The following IRAG1 variants were observed in gnomAD, a reference collection of about 807,000 sequenced individuals.
IRAG1 encodes inositol 1,4,5-triphosphate receptor associated 1.
In IRAG1, 62 loss-of-function variants were observed where a neutral mutation model predicts 106.2. The observed-to-expected ratio is 0.58, with a 90% confidence interval of 0.48 to 0.72. The LOEUF (loss-of-function observed/expected upper bound fraction) is 0.72. Among genes scored for constraint, IRAG1 ranks in the 30% least tolerant of loss-of-function variants. IRAG1 has a pLI of 0.00. For synonymous variants in IRAG1, 462 were observed against 443.9 expected (o/e 1.04, Z -0.51); for missense variants, 1,064 against 1,140.7 (o/e 0.93, Z 0.97).
chr11:10,581,288 G>A (rs1591535402), intron 19 of IRAG1, among the ~76,000 whole-genome samples: 1 of 152,176 alleles, frequency 6.6e-6, no homozygotes, highest in African/African-American at 2.4e-5. Context: ...ATGAGCTATG[G>A]AGACAGGAGA....
At chr11:10,685,132 T>C (rs527703052) in intron 1 of IRAG1, among the ~76,000 whole-genome samples, 2 of 152,296 alleles carry the variant, frequency 1.3e-5, no homozygotes, top group South Asian at 2.1e-4. Flanking sequence ...TATCATATAC[T>C]GGCACATAGA....
chr11:10,668,982 G>A (rs1860006122), intron 1 of IRAG1, among the ~76,000 whole-genome samples: 1 of 152,152 alleles, frequency 6.6e-6, no homozygotes, highest in Non-Finnish European at 1.5e-5. Flanking sequence ...TCTGTGCTTT[G>A]CAGCTGTAAT....
intron 18 of IRAG1, chr11:10,585,974 A>G (rs1464258138): frequency 1.4e-5 from 2 of 145,184 alleles, no homozygotes; most frequent in East Asian, 2.0e-4. Context: ...ATGAACCCCC[A>G]CCTTTCTTTC....
At chr11:10,600,191 T>A (rs1301360271) in intron 15 of IRAG1, among the ~76,000 whole-genome samples, 2 of 152,316 alleles carry the variant, frequency 1.3e-5, no homozygotes, top group East Asian at 3.9e-4. Flanking sequence ...AAGGCTTCTT[T>A]GTCTCCCTTC....
rs1380797751 is a variant in IRAG1, at chr11:10,659,675, G to T, written c.68-7493C>A. Among the ~76,000 whole-genome samples the T allele has an allele frequency of 6.6e-6, 1 of 152,082 alleles. No homozygotes were observed. The highest frequency in any genetic ancestry group is 2.1e-4 in the South Asian group (1 of 4,810). On this transcript the variant is annotated intron_variant, in intron 1 of 20. Coordinates refer to ENST00000423302, the MANE Select transcript of IRAG1 (RefSeq NM_130385.4). The surrounding 1 kb of genome is among the most constrained non-coding windows in gnomAD (Gnocchi z 4.1). ...GGAAATAAGCCTAAACATCTCCCCAGGTTTCCTTTCCAGCTTGTTCACTTC... is the reference window on the plus strand; with the variant it reads ...GGAAATAAGCCTAAACATCTCCCCATGTTTCCTTTCCAGCTTGTTCACTTC...
chr11:10,675,466 T>C (rs1860580859), intron 1 of IRAG1, among the ~76,000 whole-genome samples: 1 of 152,208 alleles, frequency 6.6e-6, no homozygotes, highest in Admixed American at 6.5e-5. Context: ...AATGGTCCCT[T>C]GCAGAAGTGG....
At chr11:10,610,242 T>C (rs1854831150) in intron 10 of IRAG1, among the ~76,000 whole-genome samples, 1 of 152,274 alleles carries the variant, frequency 6.6e-6, no homozygotes, top group Admixed American at 6.5e-5. Flanking sequence ...AGGAGACCTG[T>C]TGTTCAATTA....
chr11:10,691,516 C>T (rs1156928155), intron 1 of IRAG1, among the ~76,000 whole-genome samples: 1 of 152,198 alleles, frequency 6.6e-6, no homozygotes, highest in Non-Finnish European at 1.5e-5. Flanking sequence ...AAACCATGAG[C>T]CTCCTCAGCC....
At chr11:10,616,785 A>C (rs912828042) in intron 10 of IRAG1, among the ~76,000 whole-genome samples, 3 of 152,122 alleles carry the variant, frequency 2.0e-5, no homozygotes, top group Admixed American at 1.3e-4. Flanking sequence ...GTTTAGTGTA[A>C]GCTATTTTTA....
In IRAG1 at chr11:10,679,353, C is replaced by T. The variant is rs1308993599; in HGVS notation, c.67+14183G>A. Among the ~76,000 whole-genome samples the T allele has an allele frequency of 2.0e-5, 3 of 152,156 alleles. No homozygotes were observed. In the East Asian group the frequency reaches 5.8e-4, roughly 29 times the overall value. On this transcript the variant is annotated intron_variant, in intron 1 of 20. Coordinates refer to ENST00000423302, the MANE Select transcript of IRAG1 (RefSeq NM_130385.4). ...CTCTGTACCAATGAAGCAGTCACTC[C>T]CTGTTCCCCTTCCCCCCAGGCCCTG... is the stretch of plus-strand genomic sequence containing the variant.
rs1856216173 is a variant in IRAG1 at position 10,625,990 on chromosome 11, C to T, written c.1344G>A (p.Met448Ile). ...DFQIQVQPVR[M>I]QKLTKLREEH... ...CCTCTCGGAGCTTGGTCAGTTTCTG[C>T]ATCCGCACGGGCTGCACTTGTATCT... is the stretch of plus-strand genomic sequence containing the variant. Residue 448 changes from methionine (M) to isoleucine (I), a missense_variant, in exon 9 of 21, where the codon ATG (methionine) becomes ATA (isoleucine). By Grantham distance (10) the Met-to-Ile change is conservative. Transcript: ENST00000423302. The T allele has an allele frequency of 2.0e-6, 3 of 1,490,496 alleles. No homozygotes were observed. Among genetic ancestry groups the T allele is most frequent in the Non-Finnish European group, 2.7e-6 (3 of 1,120,112 alleles). The allele number at this position is 1,490,496 out of a possible 1,614,324, so 92.3% of individuals were successfully genotyped here.
chr11:10,629,626 C>G lies in IRAG1; in HGVS notation c.486G>C (p.Ala162=). The G allele has an allele frequency of 1.2e-6, 2 of 1,613,994 alleles. No homozygotes were observed. Among genetic ancestry groups the G allele is most frequent in the Non-Finnish European group, 1.7e-6 (2 of 1,179,884 alleles). Residue 162 remains alanine (A), a synonymous_variant, in exon 5 of 21, where the codon GCG becomes GCC. Transcript: ENST00000423302. Reference sequence around the variant, plus strand: ...TCACCAACTTGGCTTCTTCCAGCAGCGCCAGGTTTTTCTTCTTGTCCTCCT... The same window carrying G: ...TCACCAACTTGGCTTCTTCCAGCAGGGCCAGGTTTTTCTTCTTGTCCTCCT... ...ISEEDKKKNL[A]LLEEAKLVSE...
chr11:10,685,367 G>T (rs1861588256), intron 1 of IRAG1, among the ~76,000 whole-genome samples: 1 of 148,508 alleles, frequency 6.7e-6, no homozygotes, highest in Non-Finnish European at 1.5e-5. Context: ...AGTGAGCCGA[G>T]ATCGCACCAC....
At chr11:10,606,833 A>G in intron 11 of IRAG1, 61 bp from the exon 12 acceptor site, 7 of 1,466,588 alleles carry the variant, frequency 4.8e-6, no homozygotes, top group Admixed American at 2.4e-5. Flanking sequence ...CCCAAAGGTG[A>G]CTCTGAATGA....
At chr11:10,662,672 G>A (rs977755908) in intron 1 of IRAG1, among the ~76,000 whole-genome samples, 7 of 152,204 alleles carry the variant, frequency 4.6e-5, no homozygotes, top group African/African-American at 4.8e-5. Flanking sequence ...CAGCACCCTC[G>A]TGTCTGCTGC....
rs1385100719 is a variant in IRAG1, at chr11:10,657,254, A to C, written c.68-5072T>G. 6.6e-6 allele frequency among the ~76,000 whole-genome samples: 1 copy of C among 152,228 alleles called. No homozygotes were observed. Among genetic ancestry groups the C allele is most frequent in the East Asian group, 1.9e-4 (1 of 5,192 alleles). On this transcript the variant is annotated intron_variant, in intron 1 of 20. Transcript: ENST00000423302. The surrounding 1 kb of genome is among the most constrained non-coding windows in gnomAD (Gnocchi z 4.1). ...TTAGACCCATGTTACAGATGAGGAA[A>C]CAGAGGCCCAGAGACTTGCCCAATG...
chr11:10,580,509 T>G lies in IRAG1; in HGVS notation c.2441A>C (p.Glu814Ala). The G allele has an allele frequency of 6.2e-7, 1 of 1,613,976 alleles. No individual in the cohort carries two copies. Among genetic ancestry groups the G allele is most frequent in the Non-Finnish European group, 8.5e-7 (1 of 1,179,836 alleles). The part of the protein sequence containing the change: ...EEEEQKSESP[E>A]EPEEVEETEE... ...AGTTTCTTCTACCTCTTCAGGTTCC[T>G]CAGGACTCTCACTCTTCTGTTCTTC... The change falls in exon 20 of 21, where the codon GAG becomes GCG. Residue 814 changes from glutamate (E) to alanine (A), a missense_variant. Coordinates refer to ENST00000423302, the MANE Select transcript of IRAG1 (RefSeq NM_130385.4).
At chr11:10,662,177 C>T (rs1308676047) in intron 1 of IRAG1, among the ~76,000 whole-genome samples, 2 of 152,110 alleles carry the variant, frequency 1.3e-5, no homozygotes, top group African/African-American at 4.8e-5. Flanking sequence ...GAGATCAAGG[C>T]GGGTGGATCA....
At chr11:10,594,049 G>A in intron 16 of IRAG1, 97 bp downstream of exon 16, 1 of 1,147,718 alleles carries the variant, frequency 8.7e-7, no homozygotes, top group Non-Finnish European at 1.3e-6. Context: ...AGATTCTCTG[G>A]CATCCATGGA....
Sources: allele counts gnomAD v4.1 joint callset (sites outside exome capture counted in the v4.1 genomes callset), GRCh38; gene constraint gnomAD v4.1.1; non-coding constraint Gnocchi (gnomAD v3.1); transcripts MANE v1.5; gene names NCBI Gene and HGNC (gene_info 2026-07-23, HGNC 2026-07-21).